Variants in ATXN7L3 observed in about 807,000 individuals in gnomAD.
The protein encoded by ATXN7L3 is ataxin-7-like protein 3.
A neutral mutation model predicts 50.0 loss-of-function variants in ATXN7L3; 6 were observed. The ratio of observed to expected loss-of-function variants is 0.12; its 90% confidence interval spans 0.07 to 0.24. The LOEUF (loss-of-function observed/expected upper bound fraction) is 0.24. Ranked by LOEUF, ATXN7L3 falls within the 10% of genes least tolerant of loss-of-function variation. The probability of loss-of-function intolerance (pLI) is 1.00; values close to 1 mark genes in which losing one functional copy is unlikely to be tolerated. For missense variants in ATXN7L3, 322 were observed against 451.3 expected (o/e 0.71, Z 2.60); for synonymous variants, 198 against 165.8 (o/e 1.19, Z -1.49).
intron 1 of ATXN7L3, chr17:44,199,208 G>GACCCTCC (rs2056047737): frequency 6.6e-6 from 1 of 151,274 alleles, no homozygotes; most frequent in South Asian, 2.1e-4. Context: ...CCGGGAGGGT[G>GACCCTCC]TCTCTATTGT....
intron 4 of ATXN7L3, 74 bp downstream of exon 4, chr17:44,197,154 G>A: frequency 6.4e-7 from 1 of 1,564,984 alleles, no homozygotes; most frequent in South Asian, 1.2e-5. Flanking sequence ...CCCACCCTCT[G>A]TACCTTCCCA....
chr17:44,195,204 C>G, intron 9 of ATXN7L3, 64 bp from the exon 10 acceptor site: 1 of 1,549,698 alleles, frequency 6.5e-7, no homozygotes, highest in South Asian at 1.1e-5. Context: ...TTAGATGTTT[C>G]TTTCTGTATA....
Position 44,195,158 on chromosome 17 carries a change from G to A in ATXN7L3, c.622-18C>T, listed in dbSNP as rs760979847. 1.9e-6 allele frequency: 3 copies of A among 1,612,768 alleles called. No individual in the cohort carries two copies. The highest frequency in any genetic ancestry group is 2.2e-5 in the East Asian group (1 of 44,890). ...CCACATTGCTGGAAGAGGAATATAA[G>A]CTGAAAGGAGGGATGGAAGGAACCT... On this transcript the variant is annotated intron_variant, in intron 9 of 12. Coordinates refer to ENST00000587097, the MANE Select transcript of ATXN7L3 (RefSeq NM_001382309.1).
intron 5 of ATXN7L3, 103 bp downstream of exon 5, chr17:44,196,826 C>T (rs2055920866): frequency 3.0e-6 from 2 of 676,412 alleles, no homozygotes; most frequent in South Asian, 1.6e-5. Flanking sequence ...TAACTACACT[C>T]TCTCTTCATC....
At chr17:44,198,277 T>C (rs2055995972) in intron 1 of ATXN7L3, 147 bp from the exon 2 acceptor site, 3 of 564,516 alleles carry the variant, frequency 5.3e-6, no homozygotes, top group South Asian at 2.4e-5. Context: ...GTCTGGATGG[T>C]CCTTCAAGGC....
chr17:44,197,761 C>T (rs1179443959), intron 2 of ATXN7L3, 31 bp from the exon 3 acceptor site: 1 of 1,614,084 alleles, frequency 6.2e-7, no homozygotes, highest in Non-Finnish European at 8.5e-7. Context: ...TCTACGGTCA[C>T]AAGAGTCACA....
chr17:44,196,693 G>A (rs1567774207), intron 5 of ATXN7L3, among the ~76,000 whole-genome samples: 2 of 140,478 alleles, frequency 1.4e-5, no homozygotes, highest in South Asian at 2.2e-4. Context: ...CAGGAGAATC[G>A]CTTGAACCCG....
Position 44,194,640 on chromosome 17 carries a change from C to T in ATXN7L3, c.772G>A (p.Asp258Asn). The T allele has an allele frequency of 2.5e-6, 4 of 1,614,048 alleles. No homozygotes were observed. Among genetic ancestry groups the T allele is most frequent in the Non-Finnish European group, 3.4e-6 (4 of 1,180,028 alleles). Reference sequence around the variant, plus strand: ...TGGCTGTCAGTCATGTCAAAGCTGTCATTATCCAGGGAGCTCTCGACCTCT... The same window carrying T: ...TGGCTGTCAGTCATGTCAAAGCTGTTATTATCCAGGGAGCTCTCGACCTCT... ...LPEVESSLDN[D>N]SFDMTDSQAL... is the part of the protein sequence containing the mutation. The change falls in exon 12 of 13, where the codon GAC becomes AAC. Residue 258 changes from aspartate to asparagine, a missense_variant. Coordinates refer to ENST00000587097, the MANE Select transcript of ATXN7L3 (RefSeq NM_001382309.1).
Position 44,198,713 on chromosome 17 carries a change from T to C in ATXN7L3, c.-60-583A>G, listed in dbSNP as rs549621724. Among the ~76,000 whole-genome samples the C allele has an allele frequency of 6.6e-5, 10 of 151,350 alleles. No individual in the cohort carries two copies. The South Asian group carries it at 1.7e-3, about 25-fold the overall frequency. On this transcript the variant is annotated intron_variant, in intron 1 of 12. Coordinates refer to ENST00000587097, the MANE Select transcript of ATXN7L3 (RefSeq NM_001382309.1). ...CACAGGAGCCTAGAGCTAAGGGACA[T>C]TTCTAGCCACCATGAGCAGGAACGG...
chr17:44,197,167 G>A, intron 4 of ATXN7L3, 61 bp downstream of exon 4: 1 of 1,563,894 alleles, frequency 6.4e-7, no homozygotes, highest in Non-Finnish European at 8.7e-7. Flanking sequence ...CCTTCCCAAT[G>A]CCCCCGGGGG....
chr17:44,199,859 G>A lies in ATXN7L3; in HGVS notation c.-424C>T, dbSNP rs1012369987. ...GCGCGCGCGTGTGCCGCGACCGGAG[G>A]ATGGATGGATGGAGCGAGCGTGAAC... On this transcript the variant is annotated 5_prime_UTR_variant, in exon 1 of 13. Transcript: ENST00000587097. The A allele has an allele frequency of 2.0e-5, 3 of 148,806 alleles. No individual in the cohort carries two copies. Among genetic ancestry groups the A allele is most frequent in the South Asian group, 2.1e-4 (1 of 4,750 alleles). The allele number at this position is 148,806 out of a possible 1,614,324, so 9.2% of individuals were successfully genotyped here.
rs1024607765 is a variant in ATXN7L3 at position 44,192,185 on chromosome 17, C to T, written c.*2078G>A. ...GGGAGGGGAGTGGGGAGCTCCTAGCCCCTGTTCAACTACATGGTAGGGGGG... is the reference window on the plus strand; with the variant it reads ...GGGAGGGGAGTGGGGAGCTCCTAGCTCCTGTTCAACTACATGGTAGGGGGG... On this transcript the variant is annotated 3_prime_UTR_variant, in exon 13 of 13. Coordinates refer to ENST00000587097, the MANE Select transcript of ATXN7L3 (RefSeq NM_001382309.1). 1.5e-5 allele frequency: 2 copies of T among 130,368 alleles called. No individual in the cohort carries two copies. Among genetic ancestry groups the T allele is most frequent in the Non-Finnish European group, 1.6e-5 (1 of 62,226 alleles). 8.1% of individuals were successfully genotyped at this position (130,368 alleles called of 1,614,324 possible). A position where few individuals can be genotyped will look rare whatever the true frequency, so the allele number is the denominator to read the frequency against.
At chr17:44,194,952 C>G in intron 10 of ATXN7L3, 113 bp from the exon 11 acceptor site, 1 of 1,492,270 alleles carries the variant, frequency 6.7e-7, no homozygotes, top group Non-Finnish European at 9.3e-7. Flanking sequence ...AGATTCATCC[C>G]CAGATTGTGG....
chr17:44,192,063 A>AC lies in ATXN7L3; in HGVS notation c.*2199dup, dbSNP rs1010257596. 2.9e-4 allele frequency: 44 copies of AC among 151,628 alleles called. No individual in the cohort carries two copies. Among genetic ancestry groups the AC allele is most frequent in the Admixed American group, 7.2e-4 (11 of 15,190 alleles). The allele number at this position is 151,628 out of a possible 1,614,324, so 9.4% of individuals were successfully genotyped here. A position where few individuals can be genotyped will look rare whatever the true frequency, so the allele number is the denominator to read the frequency against. ...CACCGGCCATGGAAATTAGTACAGA[A>AC]CCCCCCCACACACACTCAGACACAG... On this transcript the variant is annotated 3_prime_UTR_variant, in exon 13 of 13. Transcript: ENST00000587097.
At chr17:44,199,372 G>A (rs1339473023) in intron 1 of ATXN7L3, 124 bp downstream of exon 1, 1 of 150,770 alleles carries the variant, frequency 6.6e-6, no homozygotes, top group African/African-American at 2.4e-5. Flanking sequence ...GTCGGCCCGG[G>A]GGGAGGGGAA....
In ATXN7L3 at chr17:44,194,290, C is replaced by G. The variant is rs566167003; in HGVS notation, c.1017G>C (p.Thr339=). 6.2e-7 allele frequency: 1 copy of G among 1,614,190 alleles called. No homozygotes were observed. Among genetic ancestry groups the G allele is most frequent in the Non-Finnish European group, 8.5e-7 (1 of 1,180,012 alleles). Residue 339 remains threonine, a synonymous_variant, in exon 13 of 13, where the codon ACG becomes ACC. Coordinates refer to ENST00000587097, the MANE Select transcript of ATXN7L3 (RefSeq NM_001382309.1). ...AGTTGATGTCATCATAGATGCTGGG[C>G]GTCGGGGGTGCCGGTGGCTTTGGCT... ...KKKPKPPAPP[T]PSIYDDIN
chr17:44,196,101 C>T (rs767082055), intron 6 of ATXN7L3, 22 bp from the exon 7 acceptor site: 2 of 1,611,620 alleles, frequency 1.2e-6, no homozygotes, highest in South Asian at 1.1e-5. Context: ...GATACCATAG[C>T]TTTGGGGAAA....
rs1250209643 is a variant in ATXN7L3 at position 44,192,524 on chromosome 17, C to T, written c.*1739G>A. The T allele has an allele frequency of 2.6e-5, 4 of 152,110 alleles. No homozygotes were observed. In the East Asian group the frequency reaches 5.8e-4, roughly 22 times the overall value. 9.4% of individuals were successfully genotyped at this position (152,110 alleles called of 1,614,324 possible). ...CCACTCCCCAGACTGCATCTGGAAG[C>T]GGCTAGAGGCCTGCTGAGATCCTCC... On this transcript the variant is annotated 3_prime_UTR_variant, in exon 13 of 13. Transcript: ENST00000587097.
intron 1 of ATXN7L3, chr17:44,198,353 C>G: frequency 2.3e-6 from 1 of 432,480 alleles, no homozygotes; most frequent in Non-Finnish European, 4.1e-6. Context: ...CACTGCCAAT[C>G]AGAGTCTGGG....
Sources: gnomAD v4.1 joint callset for allele counts (sites outside exome capture counted in the v4.1 genomes callset) on GRCh38, gnomAD v4.1.1 for gene constraint, MANE v1.5 for transcripts, NCBI Gene and HGNC (gene_info 2026-07-23, HGNC 2026-07-21) for gene names.